EPHB6: variants seen among roughly 807,000 people sequenced by gnomAD.
EPHB6 encodes ephrin type-B receptor 6.
A neutral mutation model predicts 107.0 loss-of-function variants in EPHB6; 51 were observed. The observed-to-expected ratio is 0.48, with a 90% CI of 0.38 to 0.60. The LOEUF (loss-of-function observed/expected upper bound fraction) is 0.60. Among genes scored for constraint, EPHB6 ranks in the 20% least tolerant of loss-of-function variants. The pLI is 0.00. For missense variants in EPHB6, 1,141 were observed against 1,355.5 expected (o/e 0.84, Z 2.48); for synonymous variants, 553 against 549.0 (o/e 1.01, Z -0.10).
chr7:142,867,158 C>T lies in EPHB6; in HGVS notation c.1750+90C>T. ...GGGACTGTCCGGCCTTGAACCCTGG[C>T]CCCGTGCTTCCCAACCAGAAGTTCT... is the stretch of plus-strand genomic sequence containing the variant. On this transcript the variant is annotated intron_variant, in intron 11 of 19. Coordinates refer to ENST00000652003, the MANE Select transcript of EPHB6 (RefSeq NM_004445.6). The surrounding 1 kb of genome is among the most constrained non-coding windows in gnomAD (Gnocchi z 5.3). The T allele has an allele frequency of 3.4e-6, 5 of 1,473,294 alleles. No individual in the cohort carries two copies. The highest frequency in any genetic ancestry group is 1.4e-5 in the African/African-American group (1 of 71,474). 91.3% of individuals were successfully genotyped at this position (1,473,294 alleles called of 1,614,324 possible).
At chr7:142,860,913 CT>C (rs770170454) in intron 1 of EPHB6, 138 bp from the exon 2 acceptor site, 1 of 152,080 alleles carries the variant, frequency 6.6e-6, no homozygotes, top group African/African-American at 2.4e-5. Flanking sequence ...TTTATGATAG[CT>C]TTCAACAATC....
intron 2 of EPHB6, among the ~76,000 whole-genome samples, chr7:142,861,434 A>G (rs1238225223): frequency 1.3e-5 from 2 of 152,268 alleles, no homozygotes; most frequent in East Asian, 1.9e-4. Flanking sequence ...AATGGATACA[A>G]TTAATGAGAA....
chr7:142,870,789 C>G lies in EPHB6; in HGVS notation c.2961-7C>G. The G allele has an allele frequency of 6.2e-7, 1 of 1,614,176 alleles. No homozygotes were observed. Among genetic ancestry groups the G allele is most frequent in the Non-Finnish European group, 8.5e-7 (1 of 1,180,002 alleles). On this transcript the variant is annotated splice_region_variant and splice_polypyrimidine_tract_variant and intron_variant, in intron 19 of 19. Transcript: ENST00000652003. ...GGCCCAGATTTGATCCCTTCCCTCC[C>G]CACCAGAGACCTGCCTGCCCTGGGC...
In EPHB6 at chr7:142,867,536, G is replaced by A. The variant is rs1002584530; in HGVS notation, c.1751-72G>A. The stretch of plus-strand genomic sequence containing the variant: ...GTTGTGTGTGCCTGTGGTGTGTGTG[G>A]GTGCCTGGGCACATGAACAAGCACC... On this transcript the variant is annotated intron_variant, in intron 11 of 19. Coordinates refer to ENST00000652003, the MANE Select transcript of EPHB6 (RefSeq NM_004445.6). The surrounding 1 kb of genome is among the most constrained non-coding windows in gnomAD (Gnocchi z 5.3). 1.5e-6 allele frequency: 2 copies of A among 1,295,360 alleles called. No homozygotes were observed. The highest frequency in any genetic ancestry group is 3.8e-5 in the Admixed American group (2 of 52,286). 80.2% of individuals were successfully genotyped at this position (1,295,360 alleles called of 1,614,324 possible).
rs1794684455 is a variant in EPHB6, at chr7:142,867,778, C to T, written c.1865+56C>T. 2 of 1,527,588 alleles carry T rather than the reference C, an allele frequency of 1.3e-6. No homozygotes were observed. The highest frequency in any genetic ancestry group is 1.9e-5 in the Admixed American group (1 of 52,280). The allele number at this position is 1,527,588 out of a possible 1,614,324, so 94.6% of individuals were successfully genotyped here. Reference sequence around the variant, plus strand: ...AGCACCATTAACTCCACAGCCAAACCTCAAGTCCTGCCAAGTCTGGAGCCC... The same window carrying T: ...AGCACCATTAACTCCACAGCCAAACTTCAAGTCCTGCCAAGTCTGGAGCCC... On this transcript the variant is annotated intron_variant, in intron 12 of 19. Coordinates refer to ENST00000652003, the MANE Select transcript of EPHB6 (RefSeq NM_004445.6). This position sits in a 1 kb window ranked among gnomAD's most constrained non-coding sequence, Gnocchi z 5.3.
Position 142,866,768 on chromosome 7 carries a change from A to G in EPHB6, c.1588-138A>G. 4 of 1,572,514 alleles carry G rather than the reference A, an allele frequency of 2.5e-6. No individual in the cohort carries two copies. Among genetic ancestry groups the G allele is most frequent in the Non-Finnish European group, 3.5e-6 (4 of 1,146,738 alleles). On this transcript the variant is annotated intron_variant, in intron 10 of 19. Transcript: ENST00000652003. The surrounding 1 kb of genome is among the most constrained non-coding windows in gnomAD (Gnocchi z 5.2). ...GTAGGGGCCAGAGGCTGAATGGGCA[A>G]GGAGAGGTGCCCAGAAGTGTGCAGC...
rs1586182117 is a variant in EPHB6 at position 142,871,041 on chromosome 7, C to T, written c.*137C>T. The stretch of plus-strand genomic sequence containing the variant: ...CTCCCGATGGCTGCATTCCCTGGTC[C>T]TCCGCCTCTCCACCAGCCCCCTCCT... On this transcript the variant is annotated 3_prime_UTR_variant, in exon 20 of 20. Transcript: ENST00000652003. 2.4e-6 allele frequency: 2 copies of T among 822,590 alleles called. No individual in the cohort carries two copies. Among genetic ancestry groups the T allele is most frequent in the Non-Finnish European group, 4.0e-6 (2 of 498,568 alleles). The allele number at this position is 822,590 out of a possible 1,614,324, so 51.0% of individuals were successfully genotyped here. A position where few individuals can be genotyped will look rare whatever the true frequency, so the allele number is the denominator to read the frequency against.
rs751006393 is a variant in EPHB6 at position 142,869,193 on chromosome 7, C to A, written c.2460+46C>A. ...ACACAGCCTGGGGCCTTGTGGCATG[C>A]CCCAGCAGGTGCTGGGGTCGGGGGT... is the stretch of plus-strand genomic sequence containing the variant. On this transcript the variant is annotated intron_variant, in intron 16 of 19. Transcript: ENST00000652003. The surrounding 1 kb of genome is among the most constrained non-coding windows in gnomAD (Gnocchi z 4.5). 3.8e-6 allele frequency: 6 copies of A among 1,596,168 alleles called. No homozygotes were observed. The African/African-American group carries it at 6.7e-5, about 18-fold the overall frequency.
chr7:142,867,827 C>A lies in EPHB6; in HGVS notation c.1865+105C>A. Reference sequence around the variant, plus strand: ...CCCCTGCAGAAACCTCACACTGGTGCTCCTCCCGTCAGCCAGCCCCTGCCC... The same window carrying A: ...CCCCTGCAGAAACCTCACACTGGTGATCCTCCCGTCAGCCAGCCCCTGCCC... On this transcript the variant is annotated intron_variant, in intron 12 of 19. Coordinates refer to ENST00000652003, the MANE Select transcript of EPHB6 (RefSeq NM_004445.6). The surrounding 1 kb of genome is among the most constrained non-coding windows in gnomAD (Gnocchi z 5.3). The A allele has an allele frequency of 7.0e-7, 1 of 1,418,700 alleles. No homozygotes were observed. The highest frequency in any genetic ancestry group is 9.7e-7 in the Non-Finnish European group (1 of 1,030,140). The allele number at this position is 1,418,700 out of a possible 1,614,324, so 87.9% of individuals were successfully genotyped here. A position where few individuals can be genotyped will look rare whatever the true frequency, so the allele number is the denominator to read the frequency against.
At position 142,866,769 on chromosome 7, in the gene EPHB6, G is replaced by T; in HGVS notation, c.1588-137G>T. On this transcript the variant is annotated intron_variant, in intron 10 of 19. Transcript: ENST00000652003. This position sits in a 1 kb window ranked among gnomAD's most constrained non-coding sequence, Gnocchi z 5.2. ...TAGGGGCCAGAGGCTGAATGGGCAA[G>T]GAGAGGTGCCCAGAAGTGTGCAGCA... 6.4e-7 allele frequency: 1 copy of T among 1,573,518 alleles called. No homozygotes were observed.
rs756409968 is a variant in EPHB6, at chr7:142,865,484, G to C, written c.959G>C (p.Arg320Pro). 6.2e-7 allele frequency: 1 copy of C among 1,613,004 alleles called. No individual in the cohort carries two copies. Among genetic ancestry groups the C allele is most frequent in the Non-Finnish European group, 8.5e-7 (1 of 1,179,974 alleles). Reference protein sequence around the residue: ...RGDKACQACPRGLYKASAGNA... With the variant: ...RGDKACQACPPGLYKASAGNA... ...TCCTCTGCCTCCTCAGCCTGCCCAC[G>C]GGGGCTCTATAAGGCTTCTGCTGGG... Residue 320 changes from arginine (R) to proline (P), a missense_variant, in exon 8 of 20, where the codon CGG becomes CCG. By Grantham distance (103) the Arg-to-Pro change is moderately radical. This residue lies in a region of EPHB6 where 304 missense variants were observed against 295.7 expected (regional missense o/e 1.03). Coordinates refer to ENST00000652003, the MANE Select transcript of EPHB6 (RefSeq NM_004445.6).
At chr7:142,861,431 A>G (rs1447106823) in intron 2 of EPHB6, among the ~76,000 whole-genome samples, 1 of 152,250 alleles carries the variant, frequency 6.6e-6, no homozygotes, top group Non-Finnish European at 1.5e-5. Context: ...TTAAATGGAT[A>G]CAATTAATGA....
rs1215675436 is a variant in EPHB6 at position 142,866,221 on chromosome 7, C to G, written c.1367C>G (p.Pro456Arg). 2.5e-6 allele frequency: 4 copies of G among 1,614,084 alleles called. No individual in the cohort carries two copies. Among genetic ancestry groups the G allele is most frequent in the Middle Eastern group, 1.6e-4 (1 of 6,062 alleles). The change falls in exon 9 of 20, where the codon CCC (proline) becomes CGC (arginine). Residue 456 changes from proline (P) to arginine (R), a missense_variant. Pro to Arg is a moderately radical substitution (Grantham distance 103, BLOSUM62 -2). Transcript: ENST00000652003. This position sits in a 1 kb window ranked among gnomAD's most constrained non-coding sequence, Gnocchi z 5.2. ...GTGGGGGGACTCCGGGCACACGTAC[C>G]CTACATCTTAGAGGTGCAGGCTGTT... ...VLVGGLRAHV[P>R]YILEVQAVNG...
chr7:142,867,906 G>A lies in EPHB6; in HGVS notation c.1866-91G>A. 1.3e-6 allele frequency: 2 copies of A among 1,533,456 alleles called. No homozygotes were observed. The highest frequency in any genetic ancestry group is 1.8e-6 in the Non-Finnish European group (2 of 1,132,848). 95.0% of individuals were successfully genotyped at this position (1,533,456 alleles called of 1,614,324 possible). A position where few individuals can be genotyped will look rare whatever the true frequency, so the allele number is the denominator to read the frequency against. ...GCCAGGCTGTCGTCCCCCCTCCACA[G>A]ACCGACTAAAGAGCAGTCTGGAGGG... On this transcript the variant is annotated intron_variant, in intron 12 of 19. Coordinates refer to ENST00000652003, the MANE Select transcript of EPHB6 (RefSeq NM_004445.6). This position sits in a 1 kb window ranked among gnomAD's most constrained non-coding sequence, Gnocchi z 5.3.
chr7:142,861,989 A>T (rs1350069220), intron 2 of EPHB6, 28 bp from the exon 3 acceptor site: 1 of 152,258 alleles, frequency 6.6e-6, no homozygotes, highest in Middle Eastern at 3.2e-3. Context: ...CTAGTAGCTT[A>T]TACACAATAG....
Position 142,866,091 on chromosome 7 carries a change from G to A in EPHB6, c.1237G>A (p.Gly413Ser). 1 of 1,611,988 alleles carries A rather than the reference G, an allele frequency of 6.2e-7. No homozygotes were observed. Residue 413 changes from glycine to serine, a missense_variant, in exon 9 of 20, where the codon GGC becomes AGC. Gly to Ser is a moderately conservative substitution (Grantham distance 56). Transcript: ENST00000652003. The surrounding 1 kb of genome is among the most constrained non-coding windows in gnomAD (Gnocchi z 5.2). ...LFNVVCKECE[G>S]RQEPASGGGG... ...CAATGTCGTGTGCAAGGAGTGTGAA[G>A]GCCGCCAGGAACCTGCCAGCGGTGG...
rs185373729 is a variant in EPHB6 at position 142,867,593 on chromosome 7, C to T, written c.1751-15C>T. On this transcript the variant is annotated splice_polypyrimidine_tract_variant and intron_variant, in intron 11 of 19. Transcript: ENST00000652003. This position sits in a 1 kb window ranked among gnomAD's most constrained non-coding sequence, Gnocchi z 5.3. The stretch of plus-strand genomic sequence containing the variant: ...AGACCTGGCCCACCTGTGACCCTGT[C>T]GGCTGGTCCCCCAGGGGAGCTGTCT... 76 of 1,602,780 alleles carry T rather than the reference C, an allele frequency of 4.7e-5. No homozygotes were observed. In the Middle Eastern group the frequency reaches 3.0e-3, roughly 63 times the overall value.
Position 142,867,950 on chromosome 7 carries a change from G to C in EPHB6, c.1866-47G>C. ...TGGAGGGTGACAAGGGGGCAGCAAG[G>C]GGGTGGAAATGGGAGCGTCATCCCC... On this transcript the variant is annotated intron_variant, in intron 12 of 19. Coordinates refer to ENST00000652003, the MANE Select transcript of EPHB6 (RefSeq NM_004445.6). The surrounding 1 kb of genome is among the most constrained non-coding windows in gnomAD (Gnocchi z 5.3). 1.9e-6 allele frequency: 3 copies of C among 1,552,110 alleles called. No individual in the cohort carries two copies. Among genetic ancestry groups the C allele is most frequent in the East Asian group, 2.4e-5 (1 of 41,086 alleles).
Position 142,869,984 on chromosome 7 carries a change from C to T in EPHB6, c.2610+18C>T, listed in dbSNP as rs1263114972. On this transcript the variant is annotated intron_variant, in intron 17 of 19. Transcript: ENST00000652003. This position sits in a 1 kb window ranked among gnomAD's most constrained non-coding sequence, Gnocchi z 4.5. ...AGCAGGAGGTGAGCACTGACCTAGA[C>T]ACTGCTGATTTCCCACCCCGATCCC... 1.9e-6 allele frequency: 3 copies of T among 1,614,040 alleles called. No individual in the cohort carries two copies. Among genetic ancestry groups the T allele is most frequent in the Non-Finnish European group, 2.5e-6 (3 of 1,180,026 alleles).
Sources: gnomAD v4.1 joint callset for allele counts (sites outside exome capture counted in the v4.1 genomes callset) on GRCh38, gnomAD v4.1.1 for gene constraint, gnomAD v4.1.1 regional missense constraint, Gnocchi (gnomAD v3.1) non-coding constraint, MANE v1.5 for transcripts, NCBI Gene and HGNC (gene_info 2026-07-23, HGNC 2026-07-21) for gene names.